KSR1: variants seen among roughly 807,000 people sequenced by gnomAD.
KSR1 encodes the protein kinase suppressor of ras 1.
KSR1 carries 35 observed loss-of-function variants against 92.9 expected under a neutral mutation model. The ratio of observed to expected loss-of-function variants is 0.38; its 90% CI spans 0.29 to 0.50. The LOEUF is 0.50. Ranked by LOEUF, KSR1 falls within the 20% of genes least tolerant of loss-of-function variation. The pLI is 0.94. For synonymous variants in KSR1, 467 were observed against 472.6 expected, an observed-to-expected ratio of 0.99 and a Z score of 0.15; for missense variants, 972 against 1,158.5, an observed-to-expected ratio of 0.84 and a Z score of 2.34.
At chr17:27,575,412 T>A (rs2151149275) in intron 2 of KSR1, among the ~76,000 whole-genome samples, 1 of 152,252 alleles carries the variant, frequency 6.6e-6, no homozygotes, top group South Asian at 2.1e-4. Flanking sequence ...TCTTTTAGCA[T>A]GCTAATGCAT....
chr17:27,500,067 G>A (rs1022231362), intron 1 of KSR1, among the ~76,000 whole-genome samples: 8 of 152,218 alleles, frequency 5.3e-5, no homozygotes, highest in Admixed American at 3.3e-4. Flanking sequence ...GCCGTTCTGC[G>A]TTATGGCATC....
chr17:27,621,137 C>T (rs1195643584), intron 19 of KSR1, 56 bp from the exon 20 acceptor site: 8 of 398,478 alleles, frequency 2.0e-5, no homozygotes, highest in Admixed American at 8.8e-5. Context: ...CATCACATGC[C>T]GGGGCCGGAC....
At chr17:27,491,415 C>A (rs1365624124) in intron 1 of KSR1, among the ~76,000 whole-genome samples, 1 of 151,652 alleles carries the variant, frequency 6.6e-6, no homozygotes, top group Non-Finnish European at 1.5e-5. Context: ...GTCTTGAACT[C>A]CTGACCTCAA....
chr17:27,564,736 A>ACCCCCCCCC (rs34194473), intron 2 of KSR1, among the ~76,000 whole-genome samples: 1 of 101,384 alleles, frequency 9.9e-6, no homozygotes, highest in Non-Finnish European at 1.9e-5. Context: ...AAGATGGAAG[A>ACCCCCCCCC]CCCCCCCCCC....
chr17:27,526,999 C>T, intron 1 of KSR1: 1 of 530,592 alleles, frequency 1.9e-6, no homozygotes, highest in South Asian at 2.1e-5. Flanking sequence ...TTGATGTTCT[C>T]CCAGCCCTTC....
In KSR1 at chr17:27,605,630, G is replaced by T; in HGVS notation, c.1811G>T (p.Arg604Leu). 1 of 1,609,304 alleles carries T rather than the reference G, an allele frequency of 6.2e-7. No homozygotes were observed. The highest frequency in any genetic ancestry group is 8.5e-7 in the Non-Finnish European group (1 of 1,178,412). Residue 604 changes from arginine (R) to leucine (L), a missense_variant, in exon 14 of 21, where the codon CGG becomes CTG. By Grantham distance (102) the Arg-to-Leu change is moderately radical. Around this residue, in one of 5 missense-constraint regions of KSR1, gnomAD observed 260 missense variants for 375.2 expected, o/e 0.69. Transcript: ENST00000644974. ...GEPIGQGRWGRVHRGRWHGEV... is the reference protein window; with the variant it reads ...GEPIGQGRWGLVHRGRWHGEV... ...CCCATCGGGCAGGGCCGCTGGGGCCGGGTGCACCGCGGCCGCTGGCATGGC... is the reference window on the plus strand; with the variant it reads ...CCCATCGGGCAGGGCCGCTGGGGCCTGGTGCACCGCGGCCGCTGGCATGGC...
At chr17:27,603,163 T>C (rs1160471871) in intron 11 of KSR1, among the ~76,000 whole-genome samples, 3 of 152,250 alleles carry the variant, frequency 2.0e-5, no homozygotes, top group East Asian at 3.8e-4. Flanking sequence ...CGTGGGACTT[T>C]TAGCGCCAAA....
intron 1 of KSR1, among the ~76,000 whole-genome samples, chr17:27,538,601 G>C (rs2070837325): frequency 6.6e-6 from 1 of 152,190 alleles, no homozygotes; most frequent in East Asian, 1.9e-4. Context: ...AAGGCTCGTG[G>C]GTTGTGATGT....
chr17:27,456,483 A>T lies in KSR1; in HGVS notation c.-161A>T. 2.8e-6 allele frequency: 1 copy of T among 361,752 alleles called. No individual in the cohort carries two copies. The highest frequency in any genetic ancestry group is 4.8e-6 in the Non-Finnish European group (1 of 206,650). 22.4% of individuals were successfully genotyped at this position (361,752 alleles called of 1,614,324 possible). On this transcript the variant is annotated 5_prime_UTR_variant, in exon 1 of 21. Transcript: ENST00000644974. ...CTTTCGCTTTGCTGCCGCGGCTGGG[A>T]GGGTGGAAGCGGCAGACTCAGCGGC...
At chr17:27,560,644 T>C (rs1421438638) in intron 2 of KSR1, among the ~76,000 whole-genome samples, 2 of 152,228 alleles carry the variant, frequency 1.3e-5, no homozygotes, top group Non-Finnish European at 2.9e-5. Context: ...ACCAGGAATG[T>C]AGGCTGTATG....
At chr17:27,622,081 C>T in intron 20 of KSR1, 1 of 741,232 alleles carries the variant, frequency 1.3e-6, no homozygotes, top group South Asian at 1.6e-5. Context: ...CTCGAGGCTA[C>T]TTCTTTTGCT....
chr17:27,611,780 A>C (rs1174841142), intron 18 of KSR1, among the ~76,000 whole-genome samples, 151 bp downstream of exon 18: 1 of 152,076 alleles, frequency 6.6e-6, no homozygotes, highest in Non-Finnish European at 1.5e-5. Context: ...AATGATATGC[A>C]TTGCCCGGGA....
intron 19 of KSR1, among the ~76,000 whole-genome samples, chr17:27,620,006 C>G (rs919296083): frequency 1.3e-5 from 2 of 152,218 alleles, no homozygotes; most frequent in Non-Finnish European, 2.9e-5. Flanking sequence ...CCTTCGGGCC[C>G]TGTCTTGATA....
intron 16 of KSR1, among the ~76,000 whole-genome samples, chr17:27,609,558 C>T (rs1293775791): frequency 1.3e-5 from 2 of 152,238 alleles, no homozygotes; most frequent in African/African-American, 4.8e-5. Flanking sequence ...CACATTTGCC[C>T]TGGCTGTTCA....
At chr17:27,623,013 C>T in intron 20 of KSR1, 1 of 439,564 alleles carries the variant, frequency 2.3e-6, no homozygotes, top group East Asian at 4.9e-5. Flanking sequence ...AAGAGCTTTC[C>T]TGGGCTGCAA....
At chr17:27,552,269 C>T (rs948250088) in intron 2 of KSR1, among the ~76,000 whole-genome samples, 1 of 152,224 alleles carries the variant, frequency 6.6e-6, no homozygotes, top group African/African-American at 2.4e-5. Context: ...GATGCGAGCA[C>T]CATGAGACAC....
intron 1 of KSR1, among the ~76,000 whole-genome samples, chr17:27,530,053 C>G (rs2070471910): frequency 6.6e-6 from 1 of 152,200 alleles, no homozygotes. Context: ...CTTAACAAAC[C>G]AACCAACCCA....
At chr17:27,601,156 G>T (rs531155312) in intron 10 of KSR1, 29 of 582,872 alleles carry the variant, frequency 5.0e-5, no homozygotes, top group African/African-American at 3.2e-4. Context: ...CTTTAGTCCT[G>T]CAGACTCCTG....
In KSR1 at chr17:27,577,513, C is replaced by G; in HGVS notation, c.394C>G (p.Leu132Val). The change falls in exon 3 of 21, where the codon CTG (leucine) becomes GTG (valine). Residue 132 changes from leucine to valine, a missense_variant. Physicochemically the swap from Leu to Val is conservative, Grantham distance 32 (BLOSUM62 1). This residue lies in a region of KSR1 where 611 missense variants were observed against 668.0 expected (regional missense o/e 0.91). Transcript: ENST00000644974. The surrounding 1 kb of genome is among the most constrained non-coding windows in gnomAD (Gnocchi z 4.5). ...TTAGGAGATCCCCCGAGACCTCACGCTGGATGCCCTGCTGGAGATGAATGA... is the reference window on the plus strand; with the variant it reads ...TTAGGAGATCCCCCGAGACCTCACGGTGGATGCCCTGCTGGAGATGAATGA... The part of the protein sequence containing the change: ...VVQEIPRDLT[L>V]DALLEMNEAK... The G allele has an allele frequency of 6.3e-7, 1 of 1,591,274 alleles. No homozygotes were observed. The highest frequency in any genetic ancestry group is 8.5e-7 in the Non-Finnish European group (1 of 1,171,176).
Sources: allele counts gnomAD v4.1 joint callset (sites outside exome capture counted in the v4.1 genomes callset), GRCh38; gene constraint gnomAD v4.1.1; regional missense constraint gnomAD v4.1.1; non-coding constraint Gnocchi (gnomAD v3.1); transcripts MANE v1.5; gene names NCBI Gene and HGNC (gene_info 2026-07-23, HGNC 2026-07-21).